The following CYRIA variants were observed in gnomAD, a reference collection of about 807,000 sequenced individuals.
The protein encoded by CYRIA is CYFIP-related Rac1 interactor A.
Under a neutral mutation model 43.9 loss-of-function variants are expected in CYRIA, and 15 were observed. The observed-to-expected ratio is 0.34, with a 90% confidence interval of 0.23 to 0.53. The LOEUF is 0.53. Ranked by LOEUF, CYRIA falls within the 20% of genes least tolerant of loss-of-function variation. CYRIA has a pLI of 0.94. For missense variants in CYRIA, 236 were observed against 394.2 expected (o/e 0.60, Z 3.40); for synonymous variants, 117 against 136.0 (o/e 0.86, Z 0.97).
intron 1 of CYRIA, among the ~76,000 whole-genome samples, chr2:16,636,868 A>T (rs1434658064): frequency 6.6e-6 from 1 of 152,122 alleles, no homozygotes; most frequent in Non-Finnish European, 1.5e-5. Context: ...TCCAGCTACT[A>T]GGAAGGCTGA....
At chr2:16,632,214 A>G (rs1247857210) in intron 1 of CYRIA, among the ~76,000 whole-genome samples, 8 of 152,212 alleles carry the variant, frequency 5.3e-5, no homozygotes, top group African/African-American at 1.9e-4. Context: ...GGGACTCTCA[A>G]TGCCTGGAAG....
rs190157877 is a variant in CYRIA at position 16,613,018 on chromosome 2, C to T, written c.-11+10846G>A. ...TGCTACCGTGTAAGATGTGACTTTG[C>T]TCCTCATTCGTCTTCCTCCTTGACT... On this transcript the variant is annotated intron_variant, in intron 2 of 11. Transcript: ENST00000381323. 7.4e-4 allele frequency among the ~76,000 whole-genome samples: 113 copies of T among 152,312 alleles called. 1 individual carries two copies. Among genetic ancestry groups the T allele is most frequent in the Admixed American group, 3.1e-3 (47 of 15,302 alleles).
intron 1 of CYRIA, among the ~76,000 whole-genome samples, chr2:16,653,002 A>G (rs1572206023): frequency 6.6e-6 from 1 of 152,258 alleles, no homozygotes; most frequent in East Asian, 1.9e-4. Context: ...TGGACTTAAA[A>G]AAATAAATAG....
chr2:16,564,037 G>A lies in CYRIA; in HGVS notation c.250C>T (p.Pro84Ser). The change falls in exon 5 of 12, where the codon CCT (proline) becomes TCT (serine). Residue 84 changes from proline (P) to serine (S), a missense_variant. Physicochemically the swap from Pro to Ser is moderately conservative, Grantham distance 74. Around this residue, in one of 3 missense-constraint regions of CYRIA, gnomAD observed 193 missense variants for 303.9 expected, o/e 0.64. Transcript: ENST00000381323. ...LQEKAWNAVC[P>S]LVVRLKRFYE... ...AATCTCTTTAGCCTCACAACAAGAGGGCACACCGCATTCCAAGCTTTTTCT... is the reference window on the plus strand; with the variant it reads ...AATCTCTTTAGCCTCACAACAAGAGAGCACACCGCATTCCAAGCTTTTTCT... The A allele has an allele frequency of 2.5e-6, 4 of 1,613,454 alleles. No individual in the cohort carries two copies. The highest frequency in any genetic ancestry group is 1.1e-5 in the South Asian group (1 of 91,024).
rs752758342 is a variant in CYRIA at position 16,617,714 on chromosome 2, C to T, written c.-11+6150G>A. ...TGAGAGGTAATTTATCTCCCTCCAG[C>T]GGGGCTTCCTGTTGGTGGTGATTTA... On this transcript the variant is annotated intron_variant, in intron 2 of 11. Transcript: ENST00000381323. Among the ~76,000 whole-genome samples, 7 of 152,324 alleles carry T rather than the reference C, an allele frequency of 4.6e-5. No individual in the cohort carries two copies. The East Asian group carries it at 5.8e-4, about 13-fold the overall frequency.
chr2:16,570,164 T>C (rs977602323), intron 3 of CYRIA, among the ~76,000 whole-genome samples: 1 of 152,080 alleles, frequency 6.6e-6, no homozygotes, highest in Admixed American at 6.6e-5. Context: ...ATGACTTTAT[T>C]TTATTTTTTT....
At chr2:16,656,730 TAAAG>T (rs1358109797) in intron 1 of CYRIA, among the ~76,000 whole-genome samples, 2 of 152,032 alleles carry the variant, frequency 1.3e-5, no homozygotes, top group Non-Finnish European at 2.9e-5. Context: ...GACAAAGACA[TAAAG>T]AAAGAGAAAA....
chr2:16,649,543 G>C (rs140335599), intron 1 of CYRIA, among the ~76,000 whole-genome samples: 2 of 151,862 alleles, frequency 1.3e-5, no homozygotes, highest in African/African-American at 4.8e-5. Flanking sequence ...CAGTACAGAG[G>C]ACAGTTAGTT....
At chr2:16,576,937 T>C (rs1667373157) in intron 3 of CYRIA, among the ~76,000 whole-genome samples, 1 of 152,198 alleles carries the variant, frequency 6.6e-6, no homozygotes, top group Non-Finnish European at 1.5e-5. Flanking sequence ...ACTGCATGAT[T>C]CCACTTACAT....
intron 3 of CYRIA, among the ~76,000 whole-genome samples, chr2:16,578,060 A>C (rs62122702): frequency 0.11 from 16,756 of 152,258 alleles, 995 homozygotes; most frequent in Middle Eastern, 0.16. Flanking sequence ...CGCCATCCTG[A>C]GAATCAGGTG....
chr2:16,600,416 G>A (rs1212521725), intron 2 of CYRIA, among the ~76,000 whole-genome samples: 1 of 152,154 alleles, frequency 6.6e-6, no homozygotes, highest in Non-Finnish European at 1.5e-5. Flanking sequence ...GTTTTCTAAT[G>A]AAAATGCTAC....
Position 16,552,904 on chromosome 2 carries a change from C to A in CYRIA, c.*32G>T. The A allele has an allele frequency of 1.5e-6, 2 of 1,371,288 alleles. No homozygotes were observed. Among genetic ancestry groups the A allele is most frequent in the South Asian group, 2.3e-5 (2 of 86,262 alleles). The allele number at this position is 1,371,288 out of a possible 1,614,324, so 84.9% of individuals were successfully genotyped here. On this transcript the variant is annotated 3_prime_UTR_variant, in exon 12 of 12. Coordinates refer to ENST00000381323, the MANE Select transcript of CYRIA (RefSeq NM_030797.4). ...TGTAAACATATACATCTTCTGAGGTCAGCACATAGATCCTCTTCTTTGAGC... is the reference window on the plus strand; with the variant it reads ...TGTAAACATATACATCTTCTGAGGTAAGCACATAGATCCTCTTCTTTGAGC...
At chr2:16,640,597 G>T (rs553317794) in intron 1 of CYRIA, among the ~76,000 whole-genome samples, 1 of 152,320 alleles carries the variant, frequency 6.6e-6, no homozygotes, top group Non-Finnish European at 1.5e-5. Context: ...TGCTGGTTGG[G>T]TGGCACTGTG....
chr2:16,555,201 C>A lies in CYRIA; in HGVS notation c.838-62G>T, dbSNP rs546590819. The stretch of plus-strand genomic sequence containing the variant: ...GTAATACTGTCTATGCCAATATCTA[C>A]CCATAATAACATGTGCCCATAATGT... On this transcript the variant is annotated intron_variant, in intron 10 of 11. Transcript: ENST00000381323. 190 of 1,394,386 alleles carry A rather than the reference C, an allele frequency of 1.4e-4. 2 individuals carry two copies. In the East Asian group the frequency reaches 4.4e-3, roughly 32 times the overall value. The allele number at this position is 1,394,386 out of a possible 1,614,324, so 86.4% of individuals were successfully genotyped here.
rs112674981 is a variant in CYRIA, at chr2:16,631,357, G to A, written c.-166-7338C>T. Among the ~76,000 whole-genome samples the A allele has an allele frequency of 5.5e-3, 838 of 152,314 alleles. 9 individuals carry two copies. The highest frequency in any genetic ancestry group is 0.018 in the African/African-American group (737 of 41,560). ...CTCTGAGGGCAGTGAATAGCCCAGCGTAGCTGGGGAGGAAGGAAAGAGGTG... is the reference window on the plus strand; with the variant it reads ...CTCTGAGGGCAGTGAATAGCCCAGCATAGCTGGGGAGGAAGGAAAGAGGTG... On this transcript the variant is annotated intron_variant, in intron 1 of 11. Transcript: ENST00000381323.
At chr2:16,557,197 A>G (rs916480012) in intron 10 of CYRIA, among the ~76,000 whole-genome samples, 1 of 152,148 alleles carries the variant, frequency 6.6e-6, no homozygotes, top group Non-Finnish European at 1.5e-5. Flanking sequence ...CTTGGTAGCC[A>G]CTTGGATGAT....
At chr2:16,603,052 C>T (rs1668263245) in intron 2 of CYRIA, among the ~76,000 whole-genome samples, 1 of 152,148 alleles carries the variant, frequency 6.6e-6, no homozygotes, top group Non-Finnish European at 1.5e-5. Context: ...GAGCCATTTT[C>T]CTAATCACAA....
intron 1 of CYRIA, among the ~76,000 whole-genome samples, chr2:16,660,956 G>A (rs1670236877): frequency 6.6e-6 from 1 of 152,170 alleles, no homozygotes; most frequent in African/African-American, 2.4e-5. Context: ...CCCAAGAAAG[G>A]CTAATGAGCA....
chr2:16,662,913 A>G (rs529704377), intron 1 of CYRIA, among the ~76,000 whole-genome samples: 12 of 152,262 alleles, frequency 7.9e-5, no homozygotes, highest in Non-Finnish European at 1.6e-4. Context: ...TTTTTTTTTG[A>G]AAACAGAAAT....
Sources: allele counts gnomAD v4.1 joint callset (sites outside exome capture counted in the v4.1 genomes callset), GRCh38; gene constraint gnomAD v4.1.1; regional missense constraint gnomAD v4.1.1; transcripts MANE v1.5; gene names NCBI Gene and HGNC (gene_info 2026-07-23, HGNC 2026-07-21).